Variants in PLXNA1 observed in about 807,000 individuals in gnomAD.
PLXNA1 encodes plexin A1.
PLXNA1 carries 77 observed loss-of-function variants against 191.7 expected under a neutral mutation model. That is an observed-to-expected ratio of 0.40 (90% CI 0.33 to 0.49). PLXNA1 has a LOEUF of 0.49. Among genes scored for constraint, PLXNA1 ranks in the 20% least tolerant of loss-of-function variants. The pLI is 0.63. For missense variants in PLXNA1, 2,110 were observed against 2,660.2 expected (o/e 0.79, Z 4.55); for synonymous variants, 1,137 against 1,156.4 (o/e 0.98, Z 0.34).
intron 23 of PLXNA1, chr3:127,026,809 C>T (rs2079178713): frequency 1.3e-5 from 2 of 152,160 alleles, no homozygotes; most frequent in East Asian, 1.9e-4. Context: ...ACCTGAAGGC[C>T]CTTGGGCAGG....
In PLXNA1 at chr3:127,022,203, G is replaced by A. The variant is rs1559964225; in HGVS notation, c.4157G>A (p.Arg1386His). The change falls in exon 22 of 32, where the codon CGC becomes CAC. Residue 1386 changes from arginine (R) to histidine (H), a missense_variant. This residue lies in a region of PLXNA1 where 559 missense variants were observed against 911.5 expected (regional missense o/e 0.61). Transcript: ENST00000393409. ...EAQRSFSMRD[R>H]GNVASLIMTA... ...CAGCGCAGCTTCTCCATGCGCGACCGCGGGAATGTGGCCTCGCTCATCATG... is the reference window on the plus strand; with the variant it reads ...CAGCGCAGCTTCTCCATGCGCGACCACGGGAATGTGGCCTCGCTCATCATG... 3.7e-6 allele frequency: 6 copies of A among 1,613,420 alleles called. No individual in the cohort carries two copies. Among genetic ancestry groups the A allele is most frequent in the Non-Finnish European group, 5.1e-6 (6 of 1,179,990 alleles).
In PLXNA1 at chr3:127,005,223, C is replaced by A. The variant is rs772590873; in HGVS notation, c.1877C>A (p.Ala626Glu). 2 of 1,608,952 alleles carry A rather than the reference C, an allele frequency of 1.2e-6. No individual in the cohort carries two copies. The highest frequency in any genetic ancestry group is 2.2e-5 in the South Asian group (2 of 90,390). ...HCRSPSAREV[A>E]PITRGQGDQR... ...CGCTCACCCTCCGCCCGGGAGGTGG[C>A]GCCCATCACGCGGGGCCAGGGTGAG... is the stretch of plus-strand genomic sequence containing the variant. The change falls in exon 7 of 32, where the codon GCG becomes GAG. Residue 626 changes from alanine to glutamate, a missense_variant. Physicochemically the swap from Ala to Glu is moderately radical, Grantham distance 107. Coordinates refer to ENST00000393409, the MANE Select transcript of PLXNA1 (RefSeq NM_032242.4).
intron 25 of PLXNA1, chr3:127,028,656 C>T (rs1488286923): frequency 1.5e-5 from 7 of 459,424 alleles, no homozygotes; most frequent in South Asian, 1.1e-4. Flanking sequence ...GGGGATGGGA[C>T]GGGTTTGGGG....
chr3:127,003,392 C>T lies in PLXNA1; in HGVS notation c.1440C>T (p.Ala480=), dbSNP rs376881786. 6.2e-6 allele frequency: 10 copies of T among 1,611,308 alleles called. No homozygotes were observed. The African/African-American group carries it at 1.2e-4, about 19-fold the overall frequency. The change falls in exon 4 of 32, where the codon GCC becomes GCT. Residue 480 remains alanine (A), a synonymous_variant. Transcript: ENST00000393409. ...CCCTGGCCTACGAGAGCGTCGTGGC[C>T]CAGGAGGGCAGCCCCATCCTGCGAG... is the stretch of plus-strand genomic sequence containing the variant. ...RPALAYESVV[A]QEGSPILRDL... is the part of the protein sequence containing the mutation.
chr3:126,993,737 G>A (rs2107622226), intron 3 of PLXNA1, among the ~76,000 whole-genome samples: 1 of 152,342 alleles, frequency 6.6e-6, no homozygotes, highest in Middle Eastern at 3.4e-3. Flanking sequence ...TCGGGGACTT[G>A]GGTCTGAGTT....
At position 127,029,584 on chromosome 3, in the gene PLXNA1, C is replaced by T. The variant is rs532021333; in HGVS notation, c.4870+48C>T. ...AGAGGGCAGCGCATGGGTCCCTGGC[C>T]TGGGCAGGACGTCCCCCGGGCTCCC... On this transcript the variant is annotated intron_variant, in intron 27 of 31. Coordinates refer to ENST00000393409, the MANE Select transcript of PLXNA1 (RefSeq NM_032242.4). 92 of 1,578,090 alleles carry T rather than the reference C, an allele frequency of 5.8e-5. 1 individual carries two copies. In the South Asian group the frequency reaches 9.1e-4, roughly 16 times the overall value.
intron 29 of PLXNA1, 129 bp downstream of exon 29, chr3:127,030,541 G>A (rs1276864461): frequency 1.3e-5 from 15 of 1,131,204 alleles, no homozygotes; most frequent in Non-Finnish European, 1.8e-5. Flanking sequence ...ACCCAGCAGG[G>A]GCATGGCGGG....
At chr3:127,005,937 T>C (rs2079066584) in intron 7 of PLXNA1, 142 bp from the exon 8 acceptor site, 1 of 710,126 alleles carries the variant, frequency 1.4e-6, no homozygotes, top group East Asian at 2.5e-5. Context: ...ACCTGGGGGC[T>C]GAGGGGGCTG....
At chr3:127,008,773 G>A (rs2107629107) in intron 9 of PLXNA1, among the ~76,000 whole-genome samples, 1 of 152,118 alleles carries the variant, frequency 6.6e-6, no homozygotes, top group East Asian at 1.9e-4. Context: ...GTTGCATGGT[G>A]GCCCTCTCTC....
rs182972964 is a variant in PLXNA1 at position 127,032,140 on chromosome 3, G to A, written c.5232-247G>A. Among the ~76,000 whole-genome samples the A allele has an allele frequency of 7.3e-3, 1,112 of 152,374 alleles. 11 individuals carry two copies. Among genetic ancestry groups the A allele is most frequent in the South Asian group, 0.013 (63 of 4,826 alleles). On this transcript the variant is annotated intron_variant, in intron 29 of 31. Coordinates refer to ENST00000393409, the MANE Select transcript of PLXNA1 (RefSeq NM_032242.4). ...TCACATCTTGCCCTTGTGCAAACGA[G>A]TGCGTTTGAGCACGCCTATCTCATG...
intron 21 of PLXNA1, 125 bp from the exon 22 acceptor site, chr3:127,021,960 C>A: frequency 7.1e-7 from 1 of 1,401,628 alleles, no homozygotes; most frequent in Non-Finnish European, 9.6e-7. Context: ...TTGTCACTTG[C>A]CTTCCAGGCC....
rs766271984 is a variant in PLXNA1 at position 127,037,189 on chromosome 3, C to A, written c.*3172C>A. 1 of 152,642 alleles carries A rather than the reference C, an allele frequency of 6.6e-6. No individual in the cohort carries two copies. Among genetic ancestry groups the A allele is most frequent in the Non-Finnish European group, 1.5e-5 (1 of 68,060 alleles). 9.5% of individuals were successfully genotyped at this position (152,642 alleles called of 1,614,324 possible). On this transcript the variant is annotated 3_prime_UTR_variant, in exon 32 of 32. Coordinates refer to ENST00000393409, the MANE Select transcript of PLXNA1 (RefSeq NM_032242.4). ...TAGCTGTCCTTTAACACCGCAGAAC[C>A]CCCTCCCAGAAGAAGAGCGATCCCT...
Position 127,004,896 on chromosome 3 carries a change from G to A in PLXNA1, c.1631G>A (p.Arg544Gln), listed in dbSNP as rs1350798535. 3.8e-6 allele frequency: 6 copies of A among 1,599,072 alleles called. No individual in the cohort carries two copies. The highest frequency in any genetic ancestry group is 2.2e-5 in the East Asian group (1 of 44,548). ...WCVLHSICSR[R>Q]DACERADEPQ... The stretch of plus-strand genomic sequence containing the variant: ...CCCTCTGCCTGCAGCTGCTCGCGGC[G>A]GGACGCCTGTGAGCGAGCAGACGAG... The change falls in exon 6 of 32, where the codon CGG becomes CAG. Residue 544 changes from arginine to glutamine, a missense_variant. By Grantham distance (43) the Arg-to-Gln change is conservative. Transcript: ENST00000393409.
chr3:127,000,927 C>T (rs2079037126), intron 3 of PLXNA1, among the ~76,000 whole-genome samples: 1 of 152,302 alleles, frequency 6.6e-6, no homozygotes, highest in East Asian at 1.9e-4. Flanking sequence ...CATGGCCTCT[C>T]CTGGGGCTCT....
Position 127,004,648 on chromosome 3 carries a change from C to T in PLXNA1, c.1556C>T (p.Thr519Met), listed in dbSNP as rs553760506. Residue 519 changes from threonine (T) to methionine (M), a missense_variant, in exon 5 of 32, where the codon ACG becomes ATG. Thr to Met is a moderately conservative substitution (Grantham distance 81). This residue lies in a region of PLXNA1 where 903 missense variants were observed against 1,015.7 expected (regional missense o/e 0.89). Transcript: ENST00000393409. ...CCTGTGGAGAGCTGTGTGCAGTACACGTCCTGTGAGCTGTGTCTGGGGTCA... is the reference window on the plus strand; with the variant it reads ...CCTGTGGAGAGCTGTGTGCAGTACATGTCCTGTGAGCTGTGTCTGGGGTCA... ...RVPVESCVQYTSCELCLGSRD... is the reference protein window; with the variant it reads ...RVPVESCVQYMSCELCLGSRD... The T allele has an allele frequency of 8.1e-5, 129 of 1,584,492 alleles. 2 individuals carry two copies. The South Asian group carries it at 1.1e-3, about 13-fold the overall frequency.
intron 3 of PLXNA1, 75 bp from the exon 4 acceptor site, chr3:127,003,255 T>G: frequency 6.8e-7 from 1 of 1,478,696 alleles, no homozygotes; most frequent in Non-Finnish European, 9.0e-7. Flanking sequence ...TTTAGACCCC[T>G]GACCTTCTGT....
intron 8 of PLXNA1, among the ~76,000 whole-genome samples, chr3:127,007,274 C>A (rs981137323): frequency 1.3e-5 from 2 of 152,190 alleles, no homozygotes; most frequent in Non-Finnish European, 2.9e-5. Flanking sequence ...AGTGGCCAGC[C>A]TGGCAGACCC....
At chr3:126,998,730 G>A (rs1465399441) in intron 3 of PLXNA1, among the ~76,000 whole-genome samples, 1 of 152,216 alleles carries the variant, frequency 6.6e-6, no homozygotes, top group Admixed American at 6.5e-5. Context: ...TCCTTGCTGA[G>A]GGGTTGCTGC....
At chr3:127,020,958 T>C (rs929287090) in intron 21 of PLXNA1, among the ~76,000 whole-genome samples, 1 of 152,116 alleles carries the variant, frequency 6.6e-6, no homozygotes, top group Admixed American at 6.5e-5. Flanking sequence ...GAGGGCTGGC[T>C]CCCACACCCC....
Sources: gnomAD v4.1 joint callset for allele counts (sites outside exome capture counted in the v4.1 genomes callset) on GRCh38, gnomAD v4.1.1 for gene constraint, gnomAD v4.1.1 regional missense constraint, MANE v1.5 for transcripts, NCBI Gene and HGNC (gene_info 2026-07-23, HGNC 2026-07-21) for gene names.